Variants in TNNI3K observed in about 807,000 individuals in gnomAD.
TNNI3K encodes the protein TNNI3 interacting kinase, also known as serine/threonine-protein kinase TNNI3K.
TNNI3K carries 140 observed loss-of-function variants against 114.5 expected under a neutral mutation model. The ratio of observed to expected loss-of-function variants is 1.22; its 90% CI spans 1.07 to 1.41. TNNI3K has a LOEUF of 1.41. TNNI3K is among the 40% of genes most tolerant of loss of function. The pLI is 0.00. For missense variants in TNNI3K, 1,125 were observed against 1,007.6 expected (o/e 1.12, Z -1.58); for synonymous variants, 347 against 347.5 (o/e 1.00, Z 0.02).
intron 17 of TNNI3K, among the ~76,000 whole-genome samples, chr1:74,417,305 C>T (rs1239096868): frequency 6.6e-6 from 1 of 152,032 alleles, no homozygotes; most frequent in African/African-American, 2.4e-5. Context: ...CCTGTTCAAG[C>T]CAAGGTACCC....
chr1:74,297,971 T>C (rs1027163801), intron 5 of TNNI3K, among the ~76,000 whole-genome samples: 1 of 152,184 alleles, frequency 6.6e-6, no homozygotes, highest in African/African-American at 2.4e-5. Flanking sequence ...TATTTGACTA[T>C]AATTTATTTA....
intron 17 of TNNI3K, among the ~76,000 whole-genome samples, chr1:74,383,669 T>G (rs1309059182): frequency 6.6e-6 from 1 of 152,152 alleles, no homozygotes; most frequent in Non-Finnish European, 1.5e-5. Context: ...TTTCACCATT[T>G]TATTCTCAGT....
intron 17 of TNNI3K, chr1:74,370,829 C>T (rs1376457035): frequency 6.6e-6 from 1 of 152,204 alleles, no homozygotes; most frequent in Non-Finnish European, 1.5e-5. Flanking sequence ...ACCTAGTTAT[C>T]AGGTAAAGAG....
chr1:74,373,655 A>T (rs908064868), intron 17 of TNNI3K: 2 of 151,876 alleles, frequency 1.3e-5, no homozygotes, highest in African/African-American at 2.4e-5. Context: ...CGAAGCAATG[A>T]CCTAATTGGT....
chr1:74,540,325 G>A lies in TNNI3K; in HGVS notation c.2431+12G>A, dbSNP rs1319019222. ...CATTGACAAATATGGTAAGTAGGCA[G>A]ATTCTTTAGGTTTGTTAAGAAAACT... On this transcript the variant is annotated intron_variant, in intron 24 of 24. Transcript: ENST00000326637. 1.2e-6 allele frequency: 2 copies of A among 1,609,570 alleles called. No homozygotes were observed. Among genetic ancestry groups the A allele is most frequent in the South Asian group, 2.2e-5 (2 of 90,320 alleles).
intron 21 of TNNI3K, chr1:74,471,509 G>A: frequency 2.5e-6 from 1 of 400,588 alleles, no homozygotes; most frequent in Non-Finnish European, 4.4e-6. Flanking sequence ...AGGTCAGACT[G>A]AGGGGTTCTC....
At chr1:74,498,873 A>G (rs192688560) in intron 23 of TNNI3K, among the ~76,000 whole-genome samples, 87 of 152,344 alleles carry the variant, frequency 5.7e-4, no homozygotes, top group Admixed American at 1.2e-3. Context: ...TTTAATATTT[A>G]AAACTTCTAT....
chr1:74,341,296 A>G (rs1052933766), intron 7 of TNNI3K, among the ~76,000 whole-genome samples: 6 of 152,170 alleles, frequency 3.9e-5, no homozygotes, highest in African/African-American at 1.4e-4. Flanking sequence ...GGACACAGCA[A>G]ATTTCTAAGA....
chr1:74,496,492 G>A (rs1348253182), intron 23 of TNNI3K, among the ~76,000 whole-genome samples: 1 of 152,154 alleles, frequency 6.6e-6, no homozygotes, highest in Non-Finnish European at 1.5e-5. Flanking sequence ...CCTCAACACT[G>A]TCTTGAGAAA....
intron 9 of TNNI3K, among the ~76,000 whole-genome samples, chr1:74,347,030 AGGGT>A (rs757491068): frequency 6.6e-6 from 1 of 151,842 alleles, no homozygotes; most frequent in East Asian, 1.9e-4. Context: ...TTTAAGTTTT[AGGGT>A]ACATGTGCAC....
intron 24 of TNNI3K, 127 bp from the exon 25 acceptor site, chr1:74,543,779 A>G (rs1646754267): frequency 9.7e-7 from 1 of 1,027,780 alleles, no homozygotes; most frequent in Non-Finnish European, 1.5e-6. Context: ...ACTACTCACC[A>G]GCAACCGTTG....
intron 23 of TNNI3K, among the ~76,000 whole-genome samples, chr1:74,515,898 C>G (rs1292806677): frequency 6.6e-6 from 1 of 152,166 alleles, no homozygotes; most frequent in African/African-American, 2.4e-5. Context: ...ACCTAATGCC[C>G]CATAGTGCCA....
intron 17 of TNNI3K, chr1:74,378,530 A>G (rs1663021051): frequency 7.2e-6 from 1 of 139,024 alleles, no homozygotes; most frequent in South Asian, 2.3e-4. Flanking sequence ...TAAGATGTAC[A>G]TGACATGTTG....
At position 74,463,528 on chromosome 1, in the gene TNNI3K, G is replaced by A. The variant is rs202055411; in HGVS notation, c.2099G>A (p.Arg700Gln). 41 of 1,614,058 alleles carry A rather than the reference G, an allele frequency of 2.5e-5. No individual in the cohort carries two copies. In the Admixed American group the frequency reaches 2.7e-4, roughly 10 times the overall value. Reference sequence around the variant, plus strand: ...AAGCCCATATCATCTCTGCTGATACGAGGGTGGAACGCATGTCCTGAAGTG... The same window carrying A: ...AAGCCCATATCATCTCTGCTGATACAAGGGTGGAACGCATGTCCTGAAGTG... ...IPKPISSLLIRGWNACPEGRP... is the reference protein window; with the variant it reads ...IPKPISSLLIQGWNACPEGRP... The change falls in exon 21 of 25, where the codon CGA (arginine) becomes CAA (glutamine). Residue 700 changes from arginine (R) to glutamine (Q), a missense_variant. Physicochemically the swap from Arg to Gln is conservative, Grantham distance 43. Coordinates refer to ENST00000326637, the MANE Select transcript of TNNI3K (RefSeq NM_015978.3).
At chr1:74,485,666 G>T (rs968561214) in intron 21 of TNNI3K, among the ~76,000 whole-genome samples, 1 of 152,166 alleles carries the variant, frequency 6.6e-6, no homozygotes, top group Non-Finnish European at 1.5e-5. Flanking sequence ...ACCTAACTGG[G>T]TGAGCCCTTC....
intron 23 of TNNI3K, among the ~76,000 whole-genome samples, chr1:74,523,361 A>C (rs184006851): frequency 1.3e-5 from 2 of 152,308 alleles, no homozygotes; most frequent in Admixed American, 6.5e-5. Context: ...TTCTATACAC[A>C]TATCTAAGAG....
intron 17 of TNNI3K, chr1:74,378,612 A>ATG (rs1217722430): frequency 3.7e-4 from 26 of 71,078 alleles, no homozygotes; most frequent in African/African-American, 1.6e-3. Context: ...ATATATATAT[A>ATG]TATATATATA....
chr1:74,470,449 C>T (rs2100734999), intron 21 of TNNI3K: 1 of 400,634 alleles, frequency 2.5e-6, no homozygotes, highest in East Asian at 3.6e-5. Flanking sequence ...GCTGTCAATT[C>T]CTTTTTCGCT....
At chr1:74,367,057 A>C (rs1019083249) in intron 11 of TNNI3K, among the ~76,000 whole-genome samples, 199 bp from the exon 12 acceptor site, 1 of 152,012 alleles carries the variant, frequency 6.6e-6, no homozygotes, top group East Asian at 1.9e-4. Flanking sequence ...AGAGTGCCTG[A>C]CATAGTGCTT....
Sources: allele counts gnomAD v4.1 joint callset (sites outside exome capture counted in the v4.1 genomes callset), GRCh38; gene constraint gnomAD v4.1.1; transcripts MANE v1.5; gene names NCBI Gene and HGNC (gene_info 2026-07-23, HGNC 2026-07-21).